The following DHRS1 variants were observed in gnomAD, a reference collection of about 807,000 sequenced individuals.
The protein encoded by DHRS1 is dehydrogenase/reductase 1, also known as dehydrogenase/reductase SDR family member 1.
DHRS1 carries 34 observed loss-of-function variants against 35.2 expected under a neutral mutation model. The ratio of observed to expected loss-of-function variants is 0.97; its 90% CI spans 0.74 to 1.29. DHRS1 has a LOEUF of 1.29. Among genes scored for constraint, DHRS1 ranks in the 50% most tolerant of loss-of-function variants. The pLI, the probability that DHRS1 is intolerant of heterozygous loss-of-function variation, is 0.00. For missense variants in DHRS1, 354 were observed against 403.6 expected (o/e 0.88, Z 1.05); for synonymous variants, 133 against 160.0 (o/e 0.83, Z 1.27).
intron 7 of DHRS1, 155 bp from the exon 8 acceptor site, chr14:24,291,374 A>G: frequency 9.5e-7 from 1 of 1,054,150 alleles, no homozygotes; most frequent in Non-Finnish European, 1.5e-6. Flanking sequence ...CACACTTCCC[A>G]GGAGCCTGCT....
At chr14:24,292,148 C>T in intron 6 of DHRS1, 36 bp downstream of exon 6, 1 of 1,613,680 alleles carries the variant, frequency 6.2e-7, no homozygotes, top group Non-Finnish European at 8.5e-7. Context: ...GGCCGACTCC[C>T]CTGTTCTCTG....
intron 4 of DHRS1, among the ~76,000 whole-genome samples, chr14:24,295,341 T>G (rs1300731945): frequency 6.6e-6 from 1 of 152,172 alleles, no homozygotes; most frequent in African/African-American, 2.4e-5. Flanking sequence ...CACACATAAC[T>G]TGGTAACCAG....
intron 2 of DHRS1, among the ~76,000 whole-genome samples, chr14:24,297,451 T>A (rs550170142): frequency 2.0e-5 from 3 of 152,334 alleles, no homozygotes; most frequent in South Asian, 4.1e-4. Flanking sequence ...GAGTCCTTTA[T>A]CTAAGAACAA....
intron 5 of DHRS1, 117 bp from the exon 6 acceptor site, chr14:24,292,447 G>A: frequency 6.6e-7 from 1 of 1,505,520 alleles, no homozygotes; most frequent in Non-Finnish European, 9.0e-7. Context: ...GAGCCCCAAG[G>A]TCTCAGCTGC....
rs981484129 is a variant in DHRS1, at chr14:24,290,706, G to A, written c.*153C>T. 22 of 882,726 alleles carry A rather than the reference G, an allele frequency of 2.5e-5. No individual in the cohort carries two copies. The highest frequency in any genetic ancestry group is 7.5e-5 in the East Asian group (3 of 39,798). 54.7% of individuals were successfully genotyped at this position (882,726 alleles called of 1,614,324 possible). On this transcript the variant is annotated 3_prime_UTR_variant, in exon 9 of 9. Coordinates refer to ENST00000288111, the MANE Select transcript of DHRS1 (RefSeq NM_001136050.3). ...CAAGGCACAAAGAAGGGACCTAGGC[G>A]CACCCCAGAACTCACCACGGACACA... is the stretch of plus-strand genomic sequence containing the variant.
At chr14:24,296,624 G>C in intron 3 of DHRS1, 36 bp from the exon 4 acceptor site, 1 of 1,613,830 alleles carries the variant, frequency 6.2e-7, no homozygotes, top group South Asian at 1.1e-5. Flanking sequence ...ATGATCTGAA[G>C]GTAGGGAGGT....
intron 6 of DHRS1, 127 bp downstream of exon 6, chr14:24,292,057 G>T: frequency 8.6e-7 from 1 of 1,159,136 alleles, no homozygotes; most frequent in Non-Finnish European, 1.3e-6. Flanking sequence ...GAAATAATGT[G>T]TGTCCCATGC....
At chr14:24,297,970 T>A (rs545199454) in intron 2 of DHRS1, among the ~76,000 whole-genome samples, 1 of 152,208 alleles carries the variant, frequency 6.6e-6, no homozygotes, top group Non-Finnish European at 1.5e-5. Flanking sequence ...CTCCCTCTTA[T>A]AATTTACCAT....
chr14:24,293,676 C>A (rs7146665), intron 4 of DHRS1: 1 of 151,674 alleles, frequency 6.6e-6, no homozygotes, highest in Non-Finnish European at 1.5e-5. Flanking sequence ...CTTTCCCTAC[C>A]CCTGCTGTCA....
At chr14:24,294,657 T>C (rs1448240550) in intron 4 of DHRS1, 1 of 151,526 alleles carries the variant, frequency 6.6e-6, no homozygotes, top group Non-Finnish European at 1.5e-5. Flanking sequence ...GTGTGAAAAA[T>C]GAGTGATAAA....
At position 24,290,836 on chromosome 14, in the gene DHRS1, G is replaced by A; in HGVS notation, c.*23C>T. On this transcript the variant is annotated 3_prime_UTR_variant, in exon 9 of 9. Transcript: ENST00000288111. Reference sequence around the variant, plus strand: ...AAGTCCAAATGAGAAGACAAGCAGAGACGTAGTGTCAGACCAGGAGGGTTA... The same window carrying A: ...AAGTCCAAATGAGAAGACAAGCAGAAACGTAGTGTCAGACCAGGAGGGTTA... The A allele has an allele frequency of 6.2e-7, 1 of 1,613,306 alleles. No homozygotes were observed. The highest frequency in any genetic ancestry group is 8.5e-7 in the Non-Finnish European group (1 of 1,179,724).
chr14:24,298,708 C>T, intron 2 of DHRS1: 1 of 424,728 alleles, frequency 2.4e-6, no homozygotes, highest in Non-Finnish European at 4.3e-6. Context: ...TCCGGAGTAG[C>T]TGCTGGGACT....
In DHRS1 at chr14:24,290,614, A is replaced by C; in HGVS notation, c.*245T>G. 1 of 464,644 alleles carries C rather than the reference A, an allele frequency of 2.2e-6. No individual in the cohort carries two copies. Among genetic ancestry groups the C allele is most frequent in the Non-Finnish European group, 3.9e-6 (1 of 259,168 alleles). The allele number at this position is 464,644 out of a possible 1,614,324, so 28.8% of individuals were successfully genotyped here. On this transcript the variant is annotated 3_prime_UTR_variant, in exon 9 of 9. Transcript: ENST00000288111. Reference sequence around the variant, plus strand: ...AAAAACACATTGAAAGAGAAATGAGACTTTTATTAGCTCCAAGAGCATTTT... The same window carrying C: ...AAAAACACATTGAAAGAGAAATGAGCCTTTTATTAGCTCCAAGAGCATTTT...
rs558068086 is a variant in DHRS1 at position 24,291,998 on chromosome 14, G to A, written c.654+186C>T. ...AGTTTCTAAACCTCTCTGGGTTTCA[G>A]TTTTGCCATCTGTAGAATGGAGCTG... On this transcript the variant is annotated intron_variant, in intron 6 of 8. Coordinates refer to ENST00000288111, the MANE Select transcript of DHRS1 (RefSeq NM_001136050.3). 342 of 760,048 alleles carry A rather than the reference G, an allele frequency of 4.5e-4. No individual in the cohort carries two copies. In the Middle Eastern group the frequency reaches 8.7e-3, roughly 19 times the overall value. 47.1% of individuals were successfully genotyped at this position (760,048 alleles called of 1,614,324 possible). A position where few individuals can be genotyped will look rare whatever the true frequency, so the allele number is the denominator to read the frequency against.
intron 2 of DHRS1, among the ~76,000 whole-genome samples, chr14:24,297,596 T>C (rs1311905095): frequency 6.6e-6 from 1 of 152,198 alleles, no homozygotes; most frequent in Non-Finnish European, 1.5e-5. Flanking sequence ...ATCCAGCCAG[T>C]ACGACCTATC....
chr14:24,292,812 A>G, intron 4 of DHRS1, 28 bp from the exon 5 acceptor site: 1 of 1,605,146 alleles, frequency 6.2e-7, no homozygotes, highest in Non-Finnish European at 8.5e-7. Context: ...GGAAGAAGGA[A>G]TGAACCGTGT....
At position 24,290,599 on chromosome 14, in the gene DHRS1, TG is replaced by T; in HGVS notation, c.*259del. On this transcript the variant is annotated 3_prime_UTR_variant, in exon 9 of 9. Coordinates refer to ENST00000288111, the MANE Select transcript of DHRS1 (RefSeq NM_001136050.3). ...AGAGAATCAGCAGTCAAAAACACATTGAAAGAGAAATGAGACTTTTATTAGC... is the reference window on the plus strand; with the variant it reads ...AGAGAATCAGCAGTCAAAAACACATTAAAGAGAAATGAGACTTTTATTAGC... 1 of 429,120 alleles carries T rather than the reference TG, an allele frequency of 2.3e-6. No homozygotes were observed. Among genetic ancestry groups the T allele is most frequent in the Non-Finnish European group, 4.2e-6 (1 of 236,114 alleles). The allele number at this position is 429,120 out of a possible 1,614,324, so 26.6% of individuals were successfully genotyped here. A position where few individuals can be genotyped will look rare whatever the true frequency, so the allele number is the denominator to read the frequency against.
At chr14:24,299,356 C>T in intron 1 of DHRS1, 1 of 445,952 alleles carries the variant, frequency 2.2e-6, no homozygotes, top group South Asian at 3.4e-5. Flanking sequence ...GTGGGACTGT[C>T]CAGAGGTGGA....
At chr14:24,296,974 G>A (rs973344280) in intron 2 of DHRS1, 93 bp from the exon 3 acceptor site, 4 of 1,557,572 alleles carry the variant, frequency 2.6e-6, no homozygotes, top group Non-Finnish European at 3.5e-6. Flanking sequence ...GAACTGAGAA[G>A]ACAATCAATC....
Sources: gnomAD v4.1 joint callset for allele counts (sites outside exome capture counted in the v4.1 genomes callset) on GRCh38, gnomAD v4.1.1 for gene constraint, MANE v1.5 for transcripts, NCBI Gene and HGNC (gene_info 2026-07-23, HGNC 2026-07-21) for gene names.